The following ATP2B3 variants were observed in gnomAD, a reference collection of about 807,000 sequenced individuals.
ATP2B3 encodes the protein ATPase plasma membrane Ca2+ transporting 3.
A neutral mutation model predicts 70.8 loss-of-function variants in ATP2B3; 12 were observed. The ratio of observed to expected loss-of-function variants is 0.17; its 90% CI spans 0.11 to 0.27. The LOEUF is 0.27. ATP2B3 is among the 10% of genes least tolerant of loss of function. The pLI is 1.00. For missense variants in ATP2B3, 858 were observed against 1,118.5 expected, an observed-to-expected ratio of 0.77 and a Z score of 3.32; for synonymous variants, 460 against 497.8, an observed-to-expected ratio of 0.92 and a Z score of 1.01.
At chrX:153,578,611 G>A (rs1364256258) in intron 21 of ATP2B3, among the ~76,000 whole-genome samples, 2 of 112,459 alleles carry the variant, frequency 1.8e-5, no homozygotes, top group Non-Finnish European at 3.8e-5. Context: ...GGGTCAGGGG[G>A]CTTAAGGGCT....
rs1254589284 is a variant in ATP2B3, at chrX:153,580,345, C to T, written c.*47C>T. The T allele has an allele frequency of 7.2e-6, 8 of 1,104,186 alleles. No individual in the cohort carries two copies. The highest frequency in any genetic ancestry group is 4.6e-5 in the Admixed American group (2 of 43,377). The allele number at this position is 1,104,186 out of a possible 1,213,427, so 91.0% of individuals were successfully genotyped here. A position where few individuals can be genotyped will look rare whatever the true frequency, so the allele number is the denominator to read the frequency against. On this transcript the variant is annotated 3_prime_UTR_variant, in exon 22 of 22. Coordinates refer to ENST00000263519, the MANE Select transcript of ATP2B3 (RefSeq NM_001001344.3). Reference sequence around the variant, plus strand: ...GCGCACACGCACACTCGGACTCACACGAAGTCACACGCACACATGCACGCA... The same window carrying T: ...GCGCACACGCACACTCGGACTCACATGAAGTCACACGCACACATGCACGCA...
At chrX:153,560,626 G>T in intron 18 of ATP2B3, 50 bp from the exon 19 acceptor site, 1 of 1,177,555 alleles carries the variant, frequency 8.5e-7, no homozygotes, top group Non-Finnish European at 1.2e-6. Context: ...CCTGAGTAAT[G>T]CGTCATGCGC....
intron 3 of ATP2B3, among the ~76,000 whole-genome samples, chrX:153,538,493 G>T (rs1360804850): frequency 5.3e-5 from 6 of 113,175 alleles, no homozygotes; most frequent in African/African-American, 6.4e-5. Flanking sequence ...AGGAAACCTG[G>T]GTCTCAGGCT....
intron 2 of ATP2B3, among the ~76,000 whole-genome samples, chrX:153,521,544 G>A (rs986486984): frequency 1.2e-4 from 14 of 112,162 alleles, no homozygotes; most frequent in Non-Finnish European, 2.3e-4. Flanking sequence ...GGAGGTTTCC[G>A]GAGTCTTGGT....
At chrX:153,571,426 C>T (rs1353291179) in intron 21 of ATP2B3, among the ~76,000 whole-genome samples, 3 of 112,151 alleles carry the variant, frequency 2.7e-5, no homozygotes. Context: ...AAGGGGAAGG[C>T]AGCCACCACG....
intron 7 of ATP2B3, among the ~76,000 whole-genome samples, chrX:153,544,144 A>G (rs2090329854): frequency 8.9e-6 from 1 of 112,253 alleles, no homozygotes; most frequent in Non-Finnish European, 1.9e-5. Flanking sequence ...TGTAGGGCTC[A>G]GTGCAGTGTC....
In ATP2B3 at chrX:153,549,426, G is replaced by A. The variant is rs2090423039; in HGVS notation, c.1339-71G>A. 1.5e-5 allele frequency: 18 copies of A among 1,198,276 alleles called. 1 individual carries two copies. Among genetic ancestry groups the A allele is most frequent in the South Asian group, 5.5e-5 (3 of 54,748 alleles). On this transcript the variant is annotated intron_variant, in intron 10 of 21. Coordinates refer to ENST00000263519, the MANE Select transcript of ATP2B3 (RefSeq NM_001001344.3). ...AGCAGAACAGAGTCACGCGATGTTT[G>A]TGTTGACATCTCTCACTCCTCCACC... is the stretch of plus-strand genomic sequence containing the variant.
At chrX:153,541,213 G>A in intron 3 of ATP2B3, 146 bp from the exon 4 acceptor site, 1 of 651,624 alleles carries the variant, frequency 1.5e-6, no homozygotes. Context: ...CTGTCTAGAG[G>A]GAGAGCCAGG....
Position 153,541,475 on chromosome X carries a change from G to A in ATP2B3, c.325G>A (p.Val109Met), listed in dbSNP as rs373591839. The change falls in exon 4 of 22, where the codon GTG (valine) becomes ATG (methionine). Residue 109 changes from valine to methionine, a missense_variant. By Grantham distance (21) the Val-to-Met change is conservative. This residue lies in a region of ATP2B3 where 278 missense variants were observed against 366.2 expected (regional missense o/e 0.76). Coordinates refer to ENST00000263519, the MANE Select transcript of ATP2B3 (RefSeq NM_001001344.3). Reference sequence around the variant, plus strand: ...GCTGGTGTGGGAGGCCCTGCAGGACGTGACCCTCATCATCCTGGAGGTGGC... The same window carrying A: ...GCTGGTGTGGGAGGCCCTGCAGGACATGACCCTCATCATCCTGGAGGTGGC... ...LQLVWEALQDVTLIILEVAAI... is the reference protein window; with the variant it reads ...LQLVWEALQDMTLIILEVAAI... 9 of 1,210,239 alleles carry A rather than the reference G, an allele frequency of 7.4e-6. No homozygotes were observed. In the East Asian group the frequency reaches 8.9e-5, roughly 12 times the overall value.
In ATP2B3 at chrX:153,558,115, A is replaced by G; in HGVS notation, c.2437A>G (p.Ile813Val). The G allele has an allele frequency of 8.3e-7, 1 of 1,208,096 alleles. No individual in the cohort carries two copies. Reference sequence around the variant, plus strand: ...AGTGTGTGTGTCACCCCCCCAGGGCATCGCAGGGACCGACGTGGCCAAGGA... The same window carrying G: ...AGTGTGTGTGTCACCCCCCCAGGGCGTCGCAGGGACCGACGTGGCCAAGGA... ...KKADVGFAMG[I>V]AGTDVAKEAS... The change falls in exon 17 of 22, where the codon ATC becomes GTC. Residue 813 changes from isoleucine to valine, a missense_variant. By Grantham distance (29) the Ile-to-Val change is conservative. Coordinates refer to ENST00000263519, the MANE Select transcript of ATP2B3 (RefSeq NM_001001344.3).
Position 153,548,001 on chromosome X carries a change from T to C in ATP2B3, c.1123+2T>C. ...TAGCCGTGCAGATCGGGAAAGCAGG[T>C]AGGGACAGCAGGAGGTGGTGGGCCC... On this transcript the variant is annotated splice_donor_variant, in intron 9 of 21. Transcript: ENST00000263519. LOFTEE classifies it high-confidence loss of function. 1 of 1,197,642 alleles carries C rather than the reference T, an allele frequency of 8.3e-7. No homozygotes were observed.
rs1557017649 is a variant in ATP2B3, at chrX:153,565,013, C to T, written c.3252C>T (p.Ala1084=). ...GKDEMTDEEL[A]EGEEEIDHAE... is the part of the protein sequence containing the mutation. ...ACGAGATGACCGACGAGGAGCTGGC[C>T]GAAGGCGAGGAAGAGATCGACCATG... The change falls in exon 21 of 22, where the codon GCC becomes GCT. Residue 1084 remains alanine (A), a synonymous_variant. Transcript: ENST00000263519. The T allele has an allele frequency of 3.3e-6, 4 of 1,200,860 alleles. No individual in the cohort carries two copies. The highest frequency in any genetic ancestry group is 6.0e-5 in the East Asian group (2 of 33,302).
chrX:153,546,060 C>T (rs868954474), intron 7 of ATP2B3, 28 bp from the exon 8 acceptor site: 8 of 1,208,783 alleles, frequency 6.6e-6, no homozygotes, highest in South Asian at 1.8e-5. Flanking sequence ...CTCAAGCCTT[C>T]GTGTCTGTCA....
intron 21 of ATP2B3, among the ~76,000 whole-genome samples, chrX:153,579,380 TG>T (rs2090895752): frequency 8.9e-6 from 1 of 112,518 alleles, no homozygotes; most frequent in South Asian, 3.7e-4. Context: ...CCATGGGAGC[TG>T]GGGGATGGAG....
At chrX:153,552,746 G>A (rs943442613) in intron 12 of ATP2B3, among the ~76,000 whole-genome samples, 4 of 112,509 alleles carry the variant, frequency 3.6e-5, no homozygotes, top group South Asian at 3.7e-4. Flanking sequence ...AAAGCAGGGC[G>A]TGGGCAGGGC....
intron 21 of ATP2B3, among the ~76,000 whole-genome samples, chrX:153,567,373 CA>C (rs1335748158): frequency 8.8e-6 from 1 of 113,600 alleles, no homozygotes; most frequent in Non-Finnish European, 1.9e-5. Flanking sequence ...ATGGGCCCCC[CA>C]GCTGCCCCCA....
intron 10 of ATP2B3, among the ~76,000 whole-genome samples, chrX:153,549,270 G>A (rs1056324287): frequency 3.5e-4 from 38 of 108,412 alleles, no homozygotes; most frequent in Non-Finnish European, 6.3e-4. Context: ...GAGGGGGCTC[G>A]GGCAGGGGAG....
intron 3 of ATP2B3, among the ~76,000 whole-genome samples, chrX:153,539,812 G>A (rs781879019): frequency 1.0e-3 from 113 of 113,181 alleles, no homozygotes; most frequent in African/African-American, 3.5e-3. Flanking sequence ...TGCCTGCCCC[G>A]GTAGAAGGTG....
intron 3 of ATP2B3, among the ~76,000 whole-genome samples, 174 bp downstream of exon 3, chrX:153,536,629 T>A (rs1363923804): frequency 8.9e-6 from 1 of 111,837 alleles, no homozygotes; most frequent in Non-Finnish European, 1.9e-5. Flanking sequence ...GACCCCCTCA[T>A]CTCCACACCT....
Sources: gnomAD v4.1 joint callset for allele counts (sites outside exome capture counted in the v4.1 genomes callset) on GRCh38, gnomAD v4.1.1 for gene constraint, gnomAD v4.1.1 regional missense constraint, MANE v1.5 for transcripts, NCBI Gene and HGNC (gene_info 2026-07-23, HGNC 2026-07-21) for gene names.